Variants in CNOT4 observed in about 807,000 individuals in gnomAD.
CNOT4 encodes the protein CCR4-associated factor 4.
CNOT4 carries 8 observed loss-of-function variants against 73.8 expected under a neutral mutation model. The observed-to-expected ratio is 0.11, with a 90% confidence interval of 0.06 to 0.20. The LOEUF is 0.20. Among genes scored for constraint, CNOT4 ranks in the 10% least tolerant of loss-of-function variants. The pLI is 1.00. For synonymous variants in CNOT4, 293 were observed against 321.1 expected, an observed-to-expected ratio of 0.91 and a Z score of 0.94; for missense variants, 564 against 883.4, an observed-to-expected ratio of 0.64 and a Z score of 4.58.
In CNOT4 at chr7:135,486,100, A is replaced by T. The variant is rs550931137; in HGVS notation, c.-93+23789T>A. On this transcript the variant is annotated intron_variant, in intron 1 of 11. Transcript: ENST00000541284. ...AAAATCTCACAAATCACCGCTAAAG[A>T]ACTTAACTAAATACCACCTGTACCC... is the stretch of plus-strand genomic sequence containing the variant. Among the ~76,000 whole-genome samples the T allele has an allele frequency of 2.1e-3, 317 of 152,312 alleles. 2 individuals carry two copies. The highest frequency in any genetic ancestry group is 3.2e-3 in the Non-Finnish European group (215 of 68,016).
intron 10 of CNOT4, among the ~76,000 whole-genome samples, chr7:135,383,915 T>C (rs1478276711): frequency 6.6e-6 from 1 of 152,200 alleles, no homozygotes; most frequent in East Asian, 1.9e-4. Flanking sequence ...TGTCTCTATG[T>C]CTTTGTCTTT....
chr7:135,403,382 C>T (rs910372658), intron 7 of CNOT4, among the ~76,000 whole-genome samples: 1 of 152,186 alleles, frequency 6.6e-6, no homozygotes, highest in African/African-American at 2.4e-5. Context: ...TTGACACAGG[C>T]TTCAAATATA....
At chr7:135,381,866 T>C (rs899538516) in intron 10 of CNOT4, among the ~76,000 whole-genome samples, 1 of 152,176 alleles carries the variant, frequency 6.6e-6, no homozygotes, top group Non-Finnish European at 1.5e-5. Context: ...CATTTTGGGA[T>C]GTTGCTTTGT....
At chr7:135,496,046 T>C (rs1197037485) in intron 1 of CNOT4, among the ~76,000 whole-genome samples, 1 of 152,172 alleles carries the variant, frequency 6.6e-6, no homozygotes, top group East Asian at 1.9e-4. Context: ...TCCTATTATA[T>C]TGTTTTCTGG....
At chr7:135,389,845 G>A (rs553391372) in intron 10 of CNOT4, among the ~76,000 whole-genome samples, 1 of 152,190 alleles carries the variant, frequency 6.6e-6, no homozygotes, top group East Asian at 1.9e-4. Flanking sequence ...AAAATTACAT[G>A]TGGAAGGATA....
At chr7:135,489,392 T>C (rs1323919059) in intron 1 of CNOT4, among the ~76,000 whole-genome samples, 1 of 68,188 alleles carries the variant, frequency 1.5e-5, no homozygotes, top group African/African-American at 6.8e-5. Context: ...GTCACATTTC[T>C]TTTTTTTTTT....
chr7:135,374,086 T>C (rs1214419287), intron 10 of CNOT4, among the ~76,000 whole-genome samples: 3 of 152,314 alleles, frequency 2.0e-5, no homozygotes, highest in East Asian at 3.9e-4. Flanking sequence ...ATTGAACAAG[T>C]AGTCATAGAG....
At chr7:135,451,539 C>T (rs751386338) in intron 1 of CNOT4, among the ~76,000 whole-genome samples, 2 of 152,048 alleles carry the variant, frequency 1.3e-5, no homozygotes, top group African/African-American at 2.4e-5. Context: ...GTGATCTGCC[C>T]GCCTCGACCT....
intron 5 of CNOT4, 120 bp downstream of exon 5, chr7:135,414,211 A>C: frequency 1.8e-6 from 1 of 552,842 alleles, no homozygotes; most frequent in South Asian, 3.0e-5. Context: ...ATGGACCCTA[A>C]GACAGACTCT....
At chr7:135,501,028 G>C (rs1279411634) in intron 1 of CNOT4, among the ~76,000 whole-genome samples, 2 of 143,808 alleles carry the variant, frequency 1.4e-5, no homozygotes, top group East Asian at 4.1e-4. Context: ...CTGTAGCCCA[G>C]GCTGGAGTGC....
intron 10 of CNOT4, among the ~76,000 whole-genome samples, chr7:135,368,782 T>A (rs957496609): frequency 1.3e-5 from 2 of 152,194 alleles, no homozygotes; most frequent in East Asian, 1.9e-4. Flanking sequence ...AGAAAGGCAT[T>A]TAAACAATGA....
At chr7:135,469,082 T>C (rs932871298) in intron 1 of CNOT4, among the ~76,000 whole-genome samples, 2 of 152,070 alleles carry the variant, frequency 1.3e-5, no homozygotes, top group African/African-American at 2.4e-5. Flanking sequence ...GTCAGGAGGA[T>C]AGATAATTAT....
intron 3 of CNOT4, among the ~76,000 whole-genome samples, chr7:135,419,750 CTG>C (rs796071476): frequency 2.6e-5 from 4 of 152,054 alleles, no homozygotes; most frequent in African/African-American, 9.6e-5. Flanking sequence ...TAAGAAATCT[CTG>C]TAAGTAAATA....
chr7:135,374,723 A>G (rs927439601), intron 10 of CNOT4, among the ~76,000 whole-genome samples: 1 of 152,220 alleles, frequency 6.6e-6, no homozygotes, highest in Non-Finnish European at 1.5e-5. Context: ...GTTCTTTCAT[A>G]AGACAAACTT....
chr7:135,473,326 G>A (rs187309464), intron 1 of CNOT4, among the ~76,000 whole-genome samples: 2,750 of 151,728 alleles, frequency 0.018, 41 homozygotes, highest in Non-Finnish European at 0.027. Context: ...AAGCAATAAG[G>A]AAAAAGTGGA....
At chr7:135,426,419 G>A (rs567230447) in intron 2 of CNOT4, among the ~76,000 whole-genome samples, 37 of 151,812 alleles carry the variant, frequency 2.4e-4, no homozygotes, top group African/African-American at 7.2e-4. Context: ...TGGCTAACAC[G>A]GTGAAACCCC....
chr7:135,472,095 C>A (rs1801618746), intron 1 of CNOT4, among the ~76,000 whole-genome samples: 1 of 151,794 alleles, frequency 6.6e-6, no homozygotes, highest in African/African-American at 2.4e-5. Flanking sequence ...AGCGCTTGAG[C>A]CTGGGAGGTG....
intron 2 of CNOT4, among the ~76,000 whole-genome samples, chr7:135,426,871 G>A (rs1180790545): frequency 6.6e-6 from 1 of 150,436 alleles, no homozygotes; most frequent in Non-Finnish European, 1.5e-5. Flanking sequence ...TGCAGTGAGT[G>A]GAGATCACGC....
intron 3 of CNOT4, among the ~76,000 whole-genome samples, chr7:135,419,617 A>C (rs1270355585): frequency 6.6e-6 from 1 of 152,178 alleles, no homozygotes; most frequent in African/African-American, 2.4e-5. Flanking sequence ...AAACTAGTAG[A>C]GTATATTTTT....
Sources: allele counts gnomAD v4.1 joint callset (sites outside exome capture counted in the v4.1 genomes callset), GRCh38; gene constraint gnomAD v4.1.1; transcripts MANE v1.5; gene names NCBI Gene and HGNC (gene_info 2026-07-23, HGNC 2026-07-21).